The following PAWR variants were observed in gnomAD, a reference collection of about 807,000 sequenced individuals.
PAWR encodes the protein pro-apoptotic WT1 regulator.
Under a neutral mutation model 32.0 loss-of-function variants are expected in PAWR, and 23 were observed. The ratio of observed to expected loss-of-function variants is 0.72; its 90% CI spans 0.52 to 1.02. The LOEUF is 1.02. Among genes scored for constraint, PAWR ranks in the 50% least tolerant of loss-of-function variants. The pLI, the probability that PAWR is intolerant of heterozygous loss-of-function variation, is 0.00. For missense variants in PAWR, 457 were observed against 437.7 expected, an observed-to-expected ratio of 1.04 and a Z score of -0.39; for synonymous variants, 226 against 187.1, an observed-to-expected ratio of 1.21 and a Z score of -1.70.
chr12:79,616,529 T>C (rs1187437810), intron 3 of PAWR, among the ~76,000 whole-genome samples: 2 of 152,170 alleles, frequency 1.3e-5, no homozygotes, highest in Non-Finnish European at 2.9e-5. Context: ...AGTAGAATTT[T>C]AACAAAAACA....
Position 79,626,714 on chromosome 12 carries a change from A to G in PAWR, c.517-5507T>C, listed in dbSNP as rs531322934. Among the ~76,000 whole-genome samples, 9 of 151,694 alleles carry G rather than the reference A, an allele frequency of 5.9e-5. No homozygotes were observed. In the East Asian group the frequency reaches 1.2e-3, roughly 20 times the overall value. On this transcript the variant is annotated intron_variant, in intron 2 of 6. Transcript: ENST00000328827. The stretch of plus-strand genomic sequence containing the variant: ...ATTAACTCGTCATTTAACATTAGGT[A>G]TATCTCCTAATGCTATCCCTCCCCC...
At chr12:79,622,510 A>G (rs1283250297) in intron 2 of PAWR, among the ~76,000 whole-genome samples, 1 of 151,994 alleles carries the variant, frequency 6.6e-6, no homozygotes, top group Non-Finnish European at 1.5e-5. Flanking sequence ...CCCTGTGTCC[A>G]AGTGTTCTCA....
chr12:79,595,157 A>T (rs1171522315), intron 5 of PAWR, among the ~76,000 whole-genome samples: 4 of 152,242 alleles, frequency 2.6e-5, no homozygotes, highest in African/African-American at 4.8e-5. Context: ...TAGAAACTCT[A>T]AACAGAAAAA....
In PAWR at chr12:79,591,427, C is replaced by T. The variant is rs1402408334; in HGVS notation, c.*1180G>A. On this transcript the variant is annotated 3_prime_UTR_variant, in exon 7 of 7. Transcript: ENST00000328827. ...ACCATACTGCTATTTGAAATTCAATCACAAAGCAAAAATGTCATAATTTTA... is the reference window on the plus strand; with the variant it reads ...ACCATACTGCTATTTGAAATTCAATTACAAAGCAAAAATGTCATAATTTTA... 6.6e-6 allele frequency: 1 copy of T among 152,026 alleles called. No homozygotes were observed. The highest frequency in any genetic ancestry group is 2.4e-5 in the African/African-American group (1 of 41,406). 9.4% of individuals were successfully genotyped at this position (152,026 alleles called of 1,614,324 possible).
intron 3 of PAWR, 30 bp downstream of exon 3, chr12:79,621,046 A>G (rs764665054): frequency 1.3e-6 from 2 of 1,547,982 alleles, no homozygotes. Context: ...TAAAATAGAT[A>G]GTGACTTCCT....
chr12:79,684,743 T>A (rs1490792803), intron 2 of PAWR, among the ~76,000 whole-genome samples: 3 of 152,260 alleles, frequency 2.0e-5, no homozygotes, highest in Non-Finnish European at 2.9e-5. Flanking sequence ...AAATTTTCCA[T>A]TAAAGTCTCA....
At chr12:79,609,527 C>T (rs1874342666) in intron 4 of PAWR, among the ~76,000 whole-genome samples, 1 of 152,012 alleles carries the variant, frequency 6.6e-6, no homozygotes, top group Admixed American at 6.5e-5. Context: ...GTCCTGCTCC[C>T]CATCCTGTGC....
intron 4 of PAWR, 111 bp from the exon 5 acceptor site, chr12:79,596,769 A>G (rs1873776518): frequency 3.3e-6 from 2 of 604,096 alleles, no homozygotes; most frequent in Admixed American, 3.5e-5. Context: ...ACATATGGTT[A>G]TAGTAGCAAC....
chr12:79,615,521 C>A (rs2136704493), intron 3 of PAWR, among the ~76,000 whole-genome samples: 1 of 152,232 alleles, frequency 6.6e-6, no homozygotes, highest in South Asian at 2.1e-4. Flanking sequence ...GACATTTTAA[C>A]CATCCCTGAG....
chr12:79,610,704 T>C (rs998633348), intron 4 of PAWR, among the ~76,000 whole-genome samples: 7 of 149,656 alleles, frequency 4.7e-5, no homozygotes, highest in Non-Finnish European at 8.9e-5. Context: ...GTTGGGAGGA[T>C]CACTTGAGTT....
chr12:79,615,118 T>C (rs898985025), intron 3 of PAWR, among the ~76,000 whole-genome samples: 4 of 152,198 alleles, frequency 2.6e-5, no homozygotes, highest in African/African-American at 9.7e-5. Context: ...ATTTTCTGCA[T>C]GGAATTTGAG....
At chr12:79,642,259 G>C (rs1232143005) in intron 2 of PAWR, among the ~76,000 whole-genome samples, 5 of 152,124 alleles carry the variant, frequency 3.3e-5, no homozygotes, top group Non-Finnish European at 5.9e-5. Flanking sequence ...CTATGTATTT[G>C]GAAGAAATCA....
At chr12:79,639,138 C>T (rs998468653) in intron 2 of PAWR, among the ~76,000 whole-genome samples, 11 of 150,784 alleles carry the variant, frequency 7.3e-5, no homozygotes, top group African/African-American at 2.4e-4. Context: ...GTCTCGAACA[C>T]CTGACCCCGT....
intron 2 of PAWR, among the ~76,000 whole-genome samples, chr12:79,670,679 A>T (rs1424574290): frequency 6.6e-6 from 1 of 152,140 alleles, no homozygotes; most frequent in Non-Finnish European, 1.5e-5. Context: ...TAACTACACG[A>T]ATTTATCAAT....
chr12:79,603,560 G>C (rs763542895), intron 4 of PAWR: 1 of 151,122 alleles, frequency 6.6e-6, no homozygotes, highest in Non-Finnish European at 1.5e-5. Flanking sequence ...TCGTGTATTT[G>C]CTTGATGAAC....
Position 79,588,922 on chromosome 12 carries a change from T to C in PAWR, c.*3685A>G, listed in dbSNP as rs1391703176. The C allele has an allele frequency of 3.3e-5, 5 of 151,984 alleles. No homozygotes were observed. Among genetic ancestry groups the C allele is most frequent in the Admixed American group, 6.6e-5 (1 of 15,258 alleles). 9.4% of individuals were successfully genotyped at this position (151,984 alleles called of 1,614,324 possible). On this transcript the variant is annotated 3_prime_UTR_variant, in exon 7 of 7. Coordinates refer to ENST00000328827, the MANE Select transcript of PAWR (RefSeq NM_002583.4). Reference sequence around the variant, plus strand: ...CTTAGCATGGGGGGAGGTGCCTTAGTTGATGTGCCTGATAAGCAAACTGTT... The same window carrying C: ...CTTAGCATGGGGGGAGGTGCCTTAGCTGATGTGCCTGATAAGCAAACTGTT...
chr12:79,616,742 C>T (rs541135732), intron 3 of PAWR, among the ~76,000 whole-genome samples: 15 of 151,972 alleles, frequency 9.9e-5, no homozygotes, highest in African/African-American at 2.9e-4. Context: ...AACACTCAGT[C>T]ACTTAAAACA....
intron 2 of PAWR, among the ~76,000 whole-genome samples, chr12:79,621,711 A>C (rs1875027008): frequency 1.3e-5 from 2 of 152,156 alleles, no homozygotes; most frequent in South Asian, 4.1e-4. Context: ...AGACTATAAA[A>C]AATCTTGTAA....
chr12:79,645,793 A>G (rs181381267), intron 2 of PAWR, among the ~76,000 whole-genome samples: 139 of 152,318 alleles, frequency 9.1e-4, no homozygotes, highest in Non-Finnish European at 9.4e-4. Flanking sequence ...TCCTAACTAT[A>G]GTGTTTCATT....
Sources: allele counts gnomAD v4.1 joint callset (sites outside exome capture counted in the v4.1 genomes callset), GRCh38; gene constraint gnomAD v4.1.1; transcripts MANE v1.5; gene names NCBI Gene and HGNC (gene_info 2026-07-23, HGNC 2026-07-21).